NFIX: variants seen among roughly 807,000 people sequenced by gnomAD.
NFIX encodes the protein nuclear factor 1 X-type.
Under a neutral mutation model 53.3 loss-of-function variants are expected in NFIX, and 2 were observed. The observed-to-expected ratio is 0.04, with a 90% CI of 0.02 to 0.12. NFIX has a LOEUF of 0.12. Among genes scored for constraint, NFIX ranks in the 10% least tolerant of loss-of-function variants. The probability of loss-of-function intolerance (pLI) is 1.00; values close to 1 mark genes in which losing one functional copy is unlikely to be tolerated. For missense variants in NFIX, 310 were observed against 674.5 expected (o/e 0.46, Z 5.99); for synonymous variants, 244 against 289.0 (o/e 0.84, Z 1.58).
In NFIX at chr19:13,013,168, C is replaced by A. The variant is rs1416709101; in HGVS notation, c.28-11853C>A. 6.6e-6 allele frequency among the ~76,000 whole-genome samples: 1 copy of A among 152,146 alleles called. No individual in the cohort carries two copies. The highest frequency in any genetic ancestry group is 1.5e-5 in the Non-Finnish European group (1 of 68,026). On this transcript the variant is annotated intron_variant, in intron 1 of 10. Transcript: ENST00000592199. The surrounding 1 kb of genome is among the most constrained non-coding windows in gnomAD (Gnocchi z 5.9). ...TTTCTTGAATTTGGGGCGTCGAGGC[C>A]TCCCCACCCGTTGCTACCAGCCCTT...
Position 13,049,783 on chromosome 19 carries a change from A to G in NFIX, c.560-23264A>G, listed in dbSNP as rs2015215591. ...TAATTTTTGTGTTTTTAGTAGAGAC[A>G]GGGTTTCACCATATTGGCCAGGCTG... On this transcript the variant is annotated intron_variant, in intron 2 of 10. Coordinates refer to ENST00000592199, the MANE Select transcript of NFIX (RefSeq NM_001365902.3). This position sits in a 1 kb window ranked among gnomAD's most constrained non-coding sequence, Gnocchi z 4.5. Among the ~76,000 whole-genome samples, 1 of 152,052 alleles carries G rather than the reference A, an allele frequency of 6.6e-6. No individual in the cohort carries two copies. The highest frequency in any genetic ancestry group is 6.6e-5 in the Admixed American group (1 of 15,256).
At chr19:13,077,440 T>A (rs535092673) in intron 6 of NFIX, among the ~76,000 whole-genome samples, 15 of 152,216 alleles carry the variant, frequency 9.9e-5, no homozygotes, top group Admixed American at 9.8e-4. Flanking sequence ...AGGGAACAGC[T>A]GGGGAGGCAC....
At position 13,088,860 on chromosome 19, in the gene NFIX, T is replaced by C. The variant is rs1388831423; in HGVS notation, c.1402+724T>C. Among the ~76,000 whole-genome samples, 2 of 152,174 alleles carry C rather than the reference T, an allele frequency of 1.3e-5. No individual in the cohort carries two copies. Among genetic ancestry groups the C allele is most frequent in the African/African-American group, 4.8e-5 (2 of 41,438 alleles). ...CTTTCTTTTCTTTTCTTTTCTTTTT[T>C]TTTCCTCTTAAACCAATGACAAATT... On this transcript the variant is annotated intron_variant, in intron 9 of 10. Transcript: ENST00000592199. The surrounding 1 kb of genome is among the most constrained non-coding windows in gnomAD (Gnocchi z 5.9).
chr19:13,026,340 G>A (rs1483176817), intron 2 of NFIX, among the ~76,000 whole-genome samples: 2 of 150,664 alleles, frequency 1.3e-5, no homozygotes, highest in African/African-American at 4.9e-5. Context: ...AGGGAGCAGC[G>A]TTGCTGTGGA....
intron 2 of NFIX, among the ~76,000 whole-genome samples, chr19:13,030,817 GC>G (rs1358824431): frequency 6.6e-6 from 1 of 152,214 alleles, no homozygotes; most frequent in East Asian, 1.9e-4. Flanking sequence ...TACATACTGT[GC>G]AGGGCTCAGT....
In NFIX at chr19:13,060,718, C is replaced by G. The variant is rs772693076; in HGVS notation, c.560-12329C>G. ...GGCCAGGGAAGCAACCAGGCCCAGT[C>G]TGGGGCCCTGTGAAGCGATCTGCAC... On this transcript the variant is annotated intron_variant, in intron 2 of 10. Transcript: ENST00000592199. The surrounding 1 kb of genome is among the most constrained non-coding windows in gnomAD (Gnocchi z 4.3). Among the ~76,000 whole-genome samples, 7 of 152,024 alleles carry G rather than the reference C, an allele frequency of 4.6e-5. No homozygotes were observed. Among genetic ancestry groups the G allele is most frequent in the African/African-American group, 7.2e-5 (3 of 41,400 alleles).
chr19:13,044,918 T>G (rs567730918), intron 2 of NFIX, among the ~76,000 whole-genome samples: 1 of 152,224 alleles, frequency 6.6e-6, no homozygotes, highest in African/African-American at 2.4e-5. Flanking sequence ...TCCCGGGGGC[T>G]AAGGAGATCT....
At position 13,013,225 on chromosome 19, in the gene NFIX, G is replaced by A. The variant is rs111691136; in HGVS notation, c.28-11796G>A. ...CACTTCCTGGGCAGGCCAGGGGAGA[G>A]GACGGAAAAGTGAAAAAAGAACGTG... On this transcript the variant is annotated intron_variant, in intron 1 of 10. Coordinates refer to ENST00000592199, the MANE Select transcript of NFIX (RefSeq NM_001365902.3). The surrounding 1 kb of genome is among the most constrained non-coding windows in gnomAD (Gnocchi z 5.9). Among the ~76,000 whole-genome samples, 480 of 152,188 alleles carry A rather than the reference G, an allele frequency of 3.2e-3. 2 individuals carry two copies. Among genetic ancestry groups the A allele is most frequent in the African/African-American group, 0.011 (455 of 41,508 alleles).
rs2016031550 is a variant in NFIX, at chr19:13,060,838, TGCCC to T, written c.560-12203_560-12200del. On this transcript the variant is annotated intron_variant, in intron 2 of 10. Coordinates refer to ENST00000592199, the MANE Select transcript of NFIX (RefSeq NM_001365902.3). This position sits in a 1 kb window ranked among gnomAD's most constrained non-coding sequence, Gnocchi z 4.3. ...TTCTCCACGCCCGCCCGGGAGGGTG[TGCCC>T]GCCCGGCTGCTGCCGCCACTGCAGA... 6.6e-6 allele frequency among the ~76,000 whole-genome samples: 1 copy of T among 151,866 alleles called. No homozygotes were observed. The highest frequency in any genetic ancestry group is 6.6e-5 in the Admixed American group (1 of 15,260).
In NFIX at chr19:13,067,049, T is replaced by C. The variant is rs1335504467; in HGVS notation, c.560-5998T>C. Among the ~76,000 whole-genome samples the C allele has an allele frequency of 6.6e-6, 1 of 152,174 alleles. No homozygotes were observed. Among genetic ancestry groups the C allele is most frequent in the East Asian group, 1.9e-4 (1 of 5,196 alleles). On this transcript the variant is annotated intron_variant, in intron 2 of 10. Coordinates refer to ENST00000592199, the MANE Select transcript of NFIX (RefSeq NM_001365902.3). This position sits in a 1 kb window ranked among gnomAD's most constrained non-coding sequence, Gnocchi z 4.2. ...TTCAGGAGGCACAATAGTTACATTC[T>C]CCAGCTCTGATTGCTACAGGCAGGG... is the stretch of plus-strand genomic sequence containing the variant.
chr19:13,075,744 G>A, intron 6 of NFIX, 73 bp downstream of exon 6: 1 of 1,531,372 alleles, frequency 6.5e-7, no homozygotes, highest in Non-Finnish European at 8.8e-7. Context: ...CAGTTCACCT[G>A]GTGAGCCTCC....
chr19:13,030,448 A>T (rs2013714142), intron 2 of NFIX, among the ~76,000 whole-genome samples: 1 of 152,172 alleles, frequency 6.6e-6, no homozygotes, highest in Admixed American at 6.5e-5. Flanking sequence ...TGTCACCTTT[A>T]CTTGTTGGTC....
intron 2 of NFIX, among the ~76,000 whole-genome samples, chr19:13,033,529 T>C (rs1168317347): frequency 6.6e-6 from 1 of 152,212 alleles, no homozygotes; most frequent in African/African-American, 2.4e-5. Context: ...AGGGTACTTA[T>C]TAGCTGTTAT....
Position 13,072,407 on chromosome 19 carries a change from AG to A in NFIX, c.560-637del, listed in dbSNP as rs1182024889. ...CTGGCACAGAGCGGGCGACAGCGTC[AG>A]GGCAGACCTCCCCCCTCTGGGTTGC... On this transcript the variant is annotated intron_variant, in intron 2 of 10. Coordinates refer to ENST00000592199, the MANE Select transcript of NFIX (RefSeq NM_001365902.3). The surrounding 1 kb of genome is among the most constrained non-coding windows in gnomAD (Gnocchi z 4.0). Among the ~76,000 whole-genome samples, 2 of 152,260 alleles carry A rather than the reference AG, an allele frequency of 1.3e-5. No individual in the cohort carries two copies. The highest frequency in any genetic ancestry group is 4.8e-5 in the African/African-American group (2 of 41,474).
In NFIX at chr19:13,005,546, G is replaced by A. The variant is rs899438603; in HGVS notation, c.27+9682G>A. 6.6e-6 allele frequency among the ~76,000 whole-genome samples: 1 copy of A among 152,166 alleles called. No individual in the cohort carries two copies. On this transcript the variant is annotated intron_variant, in intron 1 of 10. Coordinates refer to ENST00000592199, the MANE Select transcript of NFIX (RefSeq NM_001365902.3). This position sits in a 1 kb window ranked among gnomAD's most constrained non-coding sequence, Gnocchi z 4.7. ...TCTGAGGAGTTGGTTCACAGCACACGCTTTAAAACTGTGCTTGATGTGAAA... is the reference window on the plus strand; with the variant it reads ...TCTGAGGAGTTGGTTCACAGCACACACTTTAAAACTGTGCTTGATGTGAAA...
At chr19:13,041,812 C>A (rs2014644845) in intron 2 of NFIX, among the ~76,000 whole-genome samples, 1 of 147,332 alleles carries the variant, frequency 6.8e-6, no homozygotes, top group African/African-American at 2.5e-5. Flanking sequence ...AAAAAAAAAT[C>A]AGTACCATTG....
chr19:12,999,999 T>TGGGCCGAGCTCA (rs1232840577), intron 1 of NFIX, among the ~76,000 whole-genome samples: 1 of 152,230 alleles, frequency 6.6e-6, no homozygotes, highest in African/African-American at 2.4e-5. Flanking sequence ...GTTTTGATGC[T>TGGGCCGAGCTCA]GGGCCGAGCT....
At position 13,053,767 on chromosome 19, in the gene NFIX, C is replaced by G. The variant is rs137945927; in HGVS notation, c.560-19280C>G. Among the ~76,000 whole-genome samples the G allele has an allele frequency of 1.0e-3, 152 of 152,230 alleles. 1 individual carries two copies. Among genetic ancestry groups the G allele is most frequent in the Middle Eastern group, 6.8e-3 (2 of 294 alleles). On this transcript the variant is annotated intron_variant, in intron 2 of 10. Coordinates refer to ENST00000592199, the MANE Select transcript of NFIX (RefSeq NM_001365902.3). ...GTAGGAGAATCTGTCCCCAAGGGCT[C>G]CCTCCCTGGGAGTCTGGGGCCTGAT... is the stretch of plus-strand genomic sequence containing the variant.
At chr19:13,031,176 A>G (rs915634140) in intron 2 of NFIX, among the ~76,000 whole-genome samples, 2 of 152,222 alleles carry the variant, frequency 1.3e-5, no homozygotes, top group Non-Finnish European at 2.9e-5. Flanking sequence ...CCACCCAACC[A>G]GTCAAGAGCT....
Sources: gnomAD v4.1 joint callset for allele counts (sites outside exome capture counted in the v4.1 genomes callset) on GRCh38, gnomAD v4.1.1 for gene constraint, Gnocchi (gnomAD v3.1) non-coding constraint, MANE v1.5 for transcripts, NCBI Gene and HGNC (gene_info 2026-07-23, HGNC 2026-07-21) for gene names.